The following LMBR1 variants were observed in gnomAD, a reference collection of about 807,000 sequenced individuals.
LMBR1 encodes limb region 1 protein homolog.
A neutral mutation model predicts 73.9 loss-of-function variants in LMBR1; 52 were observed. That is an observed-to-expected ratio of 0.70 (90% confidence interval 0.56 to 0.89). LMBR1 has a LOEUF of 0.89. Among genes scored for constraint, LMBR1 ranks in the 40% least tolerant of loss-of-function variants. LMBR1 has a pLI of 0.00. For missense variants in LMBR1, 539 were observed against 579.8 expected (o/e 0.93, Z 0.72); for synonymous variants, 215 against 209.4 (o/e 1.03, Z -0.23).
chr7:156,797,143 G>C (rs1217331165), intron 4 of LMBR1, among the ~76,000 whole-genome samples: 2 of 152,054 alleles, frequency 1.3e-5, no homozygotes, highest in African/African-American at 4.8e-5. Flanking sequence ...CAGAAATTTT[G>C]GTAAACAATT....
At chr7:156,821,189 G>A (rs1834734344) in intron 4 of LMBR1, among the ~76,000 whole-genome samples, 2 of 152,164 alleles carry the variant, frequency 1.3e-5, no homozygotes, top group Non-Finnish European at 2.9e-5. Context: ...TACATGTCTG[G>A]GCCTAAGTAG....
intron 9 of LMBR1, among the ~76,000 whole-genome samples, chr7:156,744,000 G>A (rs888911899): frequency 3.3e-5 from 5 of 152,188 alleles, no homozygotes; most frequent in African/African-American, 1.2e-4. Context: ...CAAATTAGGT[G>A]CTCAATATAC....
chr7:156,840,180 AG>A (rs2133958836), intron 1 of LMBR1, among the ~76,000 whole-genome samples: 1 of 152,360 alleles, frequency 6.6e-6, no homozygotes, highest in African/African-American at 2.4e-5. Context: ...GCACTCTTCT[AG>A]GAACTGGGAC....
intron 1 of LMBR1, among the ~76,000 whole-genome samples, chr7:156,888,903 A>G (rs2134599630): frequency 6.6e-6 from 1 of 152,144 alleles, no homozygotes. Flanking sequence ...AAAATACAAA[A>G]ATTAGCCAAG....
rs865931879 is a variant in LMBR1, at chr7:156,759,084, T to C, written c.685-2619A>G. Among the ~76,000 whole-genome samples, 26 of 152,326 alleles carry C rather than the reference T, an allele frequency of 1.7e-4. No individual in the cohort carries two copies. In the Middle Eastern group the frequency reaches 0.017, roughly 100 times the overall value. On this transcript the variant is annotated intron_variant, in intron 8 of 16. Coordinates refer to ENST00000353442, the MANE Select transcript of LMBR1 (RefSeq NM_022458.4). ...TTCTAGTGTAGCAGAAGAGAGCAGA[T>C]GAATTTAAAAAATAATTAGAAGATT...
chr7:156,708,184 G>A (rs761384212), intron 15 of LMBR1, among the ~76,000 whole-genome samples: 66 of 152,212 alleles, frequency 4.3e-4, no homozygotes, highest in Non-Finnish European at 8.4e-4. Flanking sequence ...AACAGTGCGC[G>A]GAGACTCACA....
At chr7:156,883,290 T>C (rs1041157485) in intron 1 of LMBR1, among the ~76,000 whole-genome samples, 3 of 148,496 alleles carry the variant, frequency 2.0e-5, no homozygotes, top group Admixed American at 6.8e-5. Flanking sequence ...TCCCAGCTAC[T>C]TGGGAGGCTG....
intron 5 of LMBR1, among the ~76,000 whole-genome samples, chr7:156,768,633 T>C (rs1288171335): frequency 6.6e-6 from 1 of 152,092 alleles, no homozygotes; most frequent in African/African-American, 2.4e-5. Flanking sequence ...GATTAGGAAA[T>C]AGGGTTTCCC....
Position 156,836,381 on chromosome 7 carries a change from A to G in LMBR1, c.139+432T>C, listed in dbSNP as rs1004265186. 1.1e-4 allele frequency among the ~76,000 whole-genome samples: 17 copies of G among 152,338 alleles called. 1 individual carries two copies. Among genetic ancestry groups the G allele is most frequent in the Admixed American group, 3.9e-4 (6 of 15,302 alleles). ...GATAAGGATATATGTGAAAGAATAA[A>G]AAGATAATACAAGATGCTAGTAATT... On this transcript the variant is annotated intron_variant, in intron 2 of 16. Transcript: ENST00000353442.
chr7:156,826,868 A>G (rs1329564719), intron 3 of LMBR1, 124 bp from the exon 4 acceptor site: 1 of 892,778 alleles, frequency 1.1e-6, no homozygotes, highest in East Asian at 2.7e-5. Context: ...AACTTTATTA[A>G]ATATATGTAG....
chr7:156,734,158 G>GAA lies in LMBR1; in HGVS notation c.838+17_838+18dup. On this transcript the variant is annotated intron_variant, in intron 10 of 16. Transcript: ENST00000353442. ...AAACCAAGGCCAATACACAAGTCAA[G>GAA]AAAAAAAAAGTACAATACCTAATTT... The GAA allele has an allele frequency of 2.7e-6, 4 of 1,490,540 alleles. No homozygotes were observed. Among genetic ancestry groups the GAA allele is most frequent in the Non-Finnish European group, 2.7e-6 (3 of 1,091,498 alleles). The allele number at this position is 1,490,540 out of a possible 1,614,324, so 92.3% of individuals were successfully genotyped here. A position where few individuals can be genotyped will look rare whatever the true frequency, so the allele number is the denominator to read the frequency against.
intron 15 of LMBR1, among the ~76,000 whole-genome samples, chr7:156,704,387 GA>G (rs1193301743): frequency 6.6e-6 from 1 of 152,028 alleles, no homozygotes; most frequent in East Asian, 1.9e-4. Context: ...TGCACATCCT[GA>G]AACAAAGCCA....
At chr7:156,810,836 T>G (rs1386152900) in intron 4 of LMBR1, among the ~76,000 whole-genome samples, 1 of 151,858 alleles carries the variant, frequency 6.6e-6, no homozygotes, top group Non-Finnish European at 1.5e-5. Flanking sequence ...TTACATGGAG[T>G]GTTGCTCTGT....
intron 1 of LMBR1, among the ~76,000 whole-genome samples, chr7:156,878,246 A>C (rs1419520292): frequency 6.6e-6 from 1 of 152,242 alleles, no homozygotes; most frequent in Non-Finnish European, 1.5e-5. Flanking sequence ...CCAAATTGGT[A>C]AAGAGGAAAT....
chr7:156,818,820 G>T (rs927180854), intron 4 of LMBR1, among the ~76,000 whole-genome samples: 1 of 152,090 alleles, frequency 6.6e-6, no homozygotes, highest in African/African-American at 2.4e-5. Context: ...TATAGAAGTG[G>T]ATACTTTATT....
chr7:156,753,851 A>C (rs1428666713), intron 9 of LMBR1, among the ~76,000 whole-genome samples: 1 of 152,078 alleles, frequency 6.6e-6, no homozygotes, highest in East Asian at 1.9e-4. Context: ...TGTCTTAGCC[A>C]AACGACAGGT....
intron 5 of LMBR1, among the ~76,000 whole-genome samples, chr7:156,784,357 T>C (rs934093058): frequency 2.0e-5 from 3 of 152,196 alleles, no homozygotes; most frequent in African/African-American, 4.8e-5. Context: ...ATTTAGTGAA[T>C]AGATCTAGAG....
chr7:156,670,423 C>A lies in LMBR1; in HGVS notation n.867-1136G>T, dbSNP rs1242058652. Among the ~76,000 whole-genome samples the A allele has an allele frequency of 6.6e-6, 1 of 152,284 alleles. No individual in the cohort carries two copies. The highest frequency in any genetic ancestry group is 1.9e-4 in the East Asian group (1 of 5,184). On this transcript the variant is annotated intron_variant and non_coding_transcript_variant, in intron 4 of 4. Transcript: ENST00000430825. This position sits in a 1 kb window ranked among gnomAD's most constrained non-coding sequence, Gnocchi z 4.3. ...TAAGAGAGGATGTGGCGCAGGATGT[C>A]ACTGTCAGAATTTGAAGAGAAAAGA...
chr7:156,740,050 T>C (rs184969491), intron 9 of LMBR1, among the ~76,000 whole-genome samples: 210 of 151,722 alleles, frequency 1.4e-3, no homozygotes, highest in African/African-American at 4.8e-3. Context: ...AACAAAGAGA[T>C]TGAAATAATA....
Sources: allele counts gnomAD v4.1 joint callset (sites outside exome capture counted in the v4.1 genomes callset), GRCh38; gene constraint gnomAD v4.1.1; non-coding constraint Gnocchi (gnomAD v3.1); transcripts MANE v1.5; gene names NCBI Gene and HGNC (gene_info 2026-07-23, HGNC 2026-07-21).